KIAA1549L: variants seen among roughly 807,000 people sequenced by gnomAD.
KIAA1549L encodes UPF0606 protein KIAA1549L.
In KIAA1549L, 88 loss-of-function variants were observed where a neutral mutation model predicts 160.7. The observed-to-expected ratio is 0.55, with a 90% CI of 0.46 to 0.65. The LOEUF is 0.65. KIAA1549L is among the 30% of genes least tolerant of loss of function. The pLI, the probability that KIAA1549L is intolerant of heterozygous loss-of-function variation, is 0.00. For missense variants in KIAA1549L, 2,258 were observed against 2,437.5 expected (o/e 0.93, Z 1.55); for synonymous variants, 950 against 976.7 (o/e 0.97, Z 0.51).
At chr11:33,636,987 T>TGGGCA (rs1181976320) in intron 16 of KIAA1549L, among the ~76,000 whole-genome samples, 3 of 152,112 alleles carry the variant, frequency 2.0e-5, no homozygotes, top group African/African-American at 7.2e-5. Flanking sequence ...CTGAATAGCT[T>TGGGCA]GGGCAGGGCA....
At chr11:33,450,861 TG>T in intron 1 of KIAA1549L, 1 of 153,194 alleles carries the variant, frequency 6.5e-6, no homozygotes, top group Non-Finnish European at 1.5e-5. Context: ...TCAACTGTGA[TG>T]GGCAGGCTAG....
At chr11:33,473,416 C>G (rs1477950853) in intron 1 of KIAA1549L, among the ~76,000 whole-genome samples, 1 of 152,112 alleles carries the variant, frequency 6.6e-6, no homozygotes, top group Non-Finnish European at 1.5e-5. Context: ...ATGTCCAAGA[C>G]AAGTCTTAGA....
chr11:33,458,452 T>A (rs1389209247), intron 1 of KIAA1549L, among the ~76,000 whole-genome samples: 1 of 152,160 alleles, frequency 6.6e-6, no homozygotes, highest in Non-Finnish European at 1.5e-5. Flanking sequence ...AGCTCTAGAT[T>A]AAATAGAAAA....
intron 1 of KIAA1549L, among the ~76,000 whole-genome samples, chr11:33,497,627 C>G (rs1030420100): frequency 6.6e-6 from 1 of 152,094 alleles, no homozygotes; most frequent in Non-Finnish European, 1.5e-5. Context: ...GGGTTGCAAC[C>G]TATTTATCAG....
chr11:33,533,165 G>A (rs1320700591), intron 1 of KIAA1549L, among the ~76,000 whole-genome samples: 1 of 152,146 alleles, frequency 6.6e-6, no homozygotes, highest in Non-Finnish European at 1.5e-5. Flanking sequence ...ACTTCCTTGA[G>A]GTTAAAGTTC....
At chr11:33,649,860 C>CA (rs1197298537) in intron 17 of KIAA1549L, among the ~76,000 whole-genome samples, 35,565 of 94,706 alleles carry the variant, frequency 0.38, 5,106 homozygotes, top group Middle Eastern at 0.48. Flanking sequence ...AATCCCATCT[C>CA]AAAAAAAAAA....
At chr11:33,444,540 A>C (rs977388861) in intron 1 of KIAA1549L, among the ~76,000 whole-genome samples, 1 of 152,190 alleles carries the variant, frequency 6.6e-6, no homozygotes, top group African/African-American at 2.4e-5. Flanking sequence ...ATGGGAGGAG[A>C]GACTTACTTT....
intron 2 of KIAA1549L, 126 bp from the exon 3 acceptor site, chr11:33,544,641 C>A: frequency 8.0e-7 from 1 of 1,255,628 alleles, no homozygotes; most frequent in Non-Finnish European, 1.1e-6. Flanking sequence ...TAAGTTCTGT[C>A]CACTGCAAGC....
chr11:33,606,880 C>T (rs554426470), intron 14 of KIAA1549L, 58 bp downstream of exon 14: 96 of 1,431,200 alleles, frequency 6.7e-5, no homozygotes, highest in African/African-American at 5.5e-4. Context: ...GAAATTCGGA[C>T]GAAGGAACAA....
At chr11:33,545,618 C>A (rs976410281) in intron 3 of KIAA1549L, among the ~76,000 whole-genome samples, 1 of 152,056 alleles carries the variant, frequency 6.6e-6, no homozygotes, top group Non-Finnish European at 1.5e-5. Context: ...CAGAACAGCC[C>A]CAACAACAAA....
chr11:33,606,894 C>T (rs971680844), intron 14 of KIAA1549L, 72 bp downstream of exon 14: 2 of 1,297,422 alleles, frequency 1.5e-6, no homozygotes, highest in Non-Finnish European at 2.1e-6. Context: ...GGAACAACAC[C>T]TGTGAATACT....
intron 17 of KIAA1549L, among the ~76,000 whole-genome samples, chr11:33,651,611 CCA>C (rs1409090007): frequency 6.6e-6 from 1 of 152,128 alleles, no homozygotes; most frequent in Non-Finnish European, 1.5e-5. Context: ...GTCCCTCCAA[CCA>C]CAGGCTGTCC....
intron 1 of KIAA1549L, among the ~76,000 whole-genome samples, chr11:33,433,405 C>A (rs1851291906): frequency 6.6e-6 from 1 of 152,120 alleles, no homozygotes; most frequent in South Asian, 2.1e-4. Context: ...CCATCTCATG[C>A]CAGTTAGAAT....
chr11:33,402,523 C>A (rs1850524261), intron 1 of KIAA1549L, among the ~76,000 whole-genome samples: 1 of 152,204 alleles, frequency 6.6e-6, no homozygotes, highest in Non-Finnish European at 1.5e-5. Context: ...AATCATATAT[C>A]CCTCTTCAGC....
chr11:33,518,960 A>G (rs760307058), intron 1 of KIAA1549L, among the ~76,000 whole-genome samples: 1 of 152,218 alleles, frequency 6.6e-6, no homozygotes, highest in Non-Finnish European at 1.5e-5. Flanking sequence ...TATCACATTG[A>G]CACTCAAAGA....
chr11:33,521,664 G>A (rs1372293443), intron 1 of KIAA1549L, among the ~76,000 whole-genome samples: 2 of 152,180 alleles, frequency 1.3e-5, no homozygotes, highest in Non-Finnish European at 2.9e-5. Flanking sequence ...TCTCCTCCCA[G>A]ACTCTAGCAA....
intron 6 of KIAA1549L, among the ~76,000 whole-genome samples, chr11:33,558,407 A>G (rs919281164): frequency 3.3e-5 from 5 of 152,170 alleles, no homozygotes; most frequent in African/African-American, 1.2e-4. Context: ...AGTCCTCAGC[A>G]TCAATACTTT....
At chr11:33,452,805 T>A (rs1851748510) in intron 1 of KIAA1549L, among the ~76,000 whole-genome samples, 1 of 152,136 alleles carries the variant, frequency 6.6e-6, no homozygotes, top group Non-Finnish European at 1.5e-5. Context: ...CCCCTGGCAC[T>A]TTGTGGATCT....
At chr11:33,609,245 C>T (rs1264145340) in intron 14 of KIAA1549L, among the ~76,000 whole-genome samples, 2 of 152,214 alleles carry the variant, frequency 1.3e-5, no homozygotes, top group African/African-American at 2.4e-5. Context: ...TGTGGAAAGG[C>T]ATTGGGAGCA....
Sources: gnomAD v4.1 joint callset for allele counts (sites outside exome capture counted in the v4.1 genomes callset) on GRCh38, gnomAD v4.1.1 for gene constraint, MANE v1.5 for transcripts, NCBI Gene and HGNC (gene_info 2026-07-23, HGNC 2026-07-21) for gene names.